The following SIGLEC6 variants were observed in gnomAD, a reference collection of about 807,000 sequenced individuals.
SIGLEC6 encodes sialic acid binding Ig like lectin 6, also known as sialic acid-binding Ig-like lectin 6.
In SIGLEC6, 31 loss-of-function variants were observed where a neutral mutation model predicts 41.4. The observed-to-expected ratio is 0.75, with a 90% CI of 0.56 to 1.01. The LOEUF (loss-of-function observed/expected upper bound fraction) is 1.01. SIGLEC6 is among the 50% of genes least tolerant of loss of function. SIGLEC6 has a pLI of 0.00. For missense variants in SIGLEC6, 555 were observed against 558.6 expected, an observed-to-expected ratio of 0.99 and a Z score of 0.06; for synonymous variants, 217 against 231.0, an observed-to-expected ratio of 0.94 and a Z score of 0.55.
intron 5 of SIGLEC6, 97 bp from the exon 6 acceptor site, chr19:51,528,350 C>T: frequency 1.0e-6 from 1 of 994,664 alleles, no homozygotes; most frequent in East Asian, 2.6e-5. Context: ...CCACCCCCAT[C>T]CAGGACTCAG....
At chr19:51,522,205 T>C (rs980295703) in intron 7 of SIGLEC6, among the ~76,000 whole-genome samples, 2 of 152,228 alleles carry the variant, frequency 1.3e-5, no homozygotes, top group African/African-American at 2.4e-5. Context: ...TGAAGGCAAA[T>C]ATAAACTCAC....
In SIGLEC6 at chr19:51,517,968, C is replaced by T. The variant is rs1050204589; in HGVS notation, c.*2114G>A. On this transcript the variant is annotated 3_prime_UTR_variant, in exon 8 of 8. Coordinates refer to ENST00000425629, the MANE Select transcript of SIGLEC6 (RefSeq NM_001245.7). ...TCAATATTACATTTGATGTTTGACC[C>T]CTCTACAAACCATCATTTTTACAAC... Among the ~76,000 whole-genome samples the T allele has an allele frequency of 6.6e-6, 1 of 152,012 alleles. No individual in the cohort carries two copies. Among genetic ancestry groups the T allele is most frequent in the African/African-American group, 2.4e-5 (1 of 41,394 alleles).
At chr19:51,523,224 C>T (rs775860357) in intron 7 of SIGLEC6, among the ~76,000 whole-genome samples, 3 of 151,910 alleles carry the variant, frequency 2.0e-5, no homozygotes, top group Admixed American at 6.6e-5. Context: ...AGATTAGGTA[C>T]GGCAGAAGAA....
rs779551897 is a variant in SIGLEC6 at position 51,531,562 on chromosome 19, C to G, written c.67+20G>C. Reference sequence around the variant, plus strand: ...TCAGCTCGGCCCAGCCCCACGGCACCTCTCCCCTGGCCCACTCACCTGCCC... The same window carrying G: ...TCAGCTCGGCCCAGCCCCACGGCACGTCTCCCCTGGCCCACTCACCTGCCC... On this transcript the variant is annotated intron_variant, in intron 1 of 7. Coordinates refer to ENST00000425629, the MANE Select transcript of SIGLEC6 (RefSeq NM_001245.7). The G allele has an allele frequency of 6.2e-7, 1 of 1,613,966 alleles. No homozygotes were observed. The highest frequency in any genetic ancestry group is 1.7e-5 in the Admixed American group (1 of 59,968).
chr19:51,530,124 A>G, intron 4 of SIGLEC6, 143 bp from the exon 5 acceptor site: 2 of 1,077,916 alleles, frequency 1.9e-6, no homozygotes, highest in Non-Finnish European at 1.3e-6. Flanking sequence ...AGCCCAGACC[A>G]TTTCCCTGGA....
In SIGLEC6 at chr19:51,520,154, G is replaced by C. The variant is rs764749174; in HGVS notation, c.1290C>G (p.His430Gln). Residue 430 changes from histidine (H) to glutamine (Q), a missense_variant, in exon 8 of 8, where the codon CAC becomes CAG. Physicochemically the swap from His to Gln is conservative, Grantham distance 24. Coordinates refer to ENST00000425629, the MANE Select transcript of SIGLEC6 (RefSeq NM_001245.7). ...DEQELHYAVLHFHKVQPQEPK... is the reference protein window; with the variant it reads ...DEQELHYAVLQFHKVQPQEPK... ...GTTCCTGAGGTTGCACCTTGTGGAA[G>C]TGTAGGACAGCGTAGTGGAGCTCCT... 16 of 1,608,738 alleles carry C rather than the reference G, an allele frequency of 9.9e-6. No homozygotes were observed. The highest frequency in any genetic ancestry group is 1.3e-5 in the African/African-American group (1 of 74,880).
chr19:51,518,825 C>A lies in SIGLEC6; in HGVS notation c.*1257G>T, dbSNP rs1990696957. ...TGGTGAGGAATTGATCTGGGGAAAT[C>A]TGGATGGACAAGATCATGTAGAGAG... On this transcript the variant is annotated 3_prime_UTR_variant, in exon 8 of 8. Transcript: ENST00000425629. Among the ~76,000 whole-genome samples the A allele has an allele frequency of 6.6e-6, 1 of 152,100 alleles. No individual in the cohort carries two copies. The highest frequency in any genetic ancestry group is 2.4e-5 in the African/African-American group (1 of 41,398).
Position 51,529,827 on chromosome 19 carries a change from G to C in SIGLEC6, c.909C>G (p.Val303=). Residue 303 remains valine, a synonymous_variant, in exon 5 of 8, where the codon GTC becomes GTG. Transcript: ENST00000425629. ...LNATPISNTG[V]LELPQVGSAE... ...CAGACCCTACTTGAGGCAGCTCCAG[G>C]ACCCCGGTATTGGAGATGGGGGTGG... 1 of 1,614,162 alleles carries C rather than the reference G, an allele frequency of 6.2e-7. No individual in the cohort carries two copies. Among genetic ancestry groups the C allele is most frequent in the African/African-American group, 1.3e-5 (1 of 75,020 alleles).
At position 51,528,898 on chromosome 19, in the gene SIGLEC6, T is replaced by G. The variant is rs559014135; in HGVS notation, c.1013-645A>C. 2.0e-3 allele frequency among the ~76,000 whole-genome samples: 298 copies of G among 150,874 alleles called. 1 individual carries two copies. Among genetic ancestry groups the G allele is most frequent in the African/African-American group, 7.0e-3 (287 of 40,916 alleles). ...CGGGAGGCTGAGGCAGGAGAATCTC[T>G]TGAACCCGGGAGGTGGAGGTTGCAT... On this transcript the variant is annotated intron_variant, in intron 5 of 7. Transcript: ENST00000425629.
At chr19:51,527,501 A>T (rs980543774) in intron 7 of SIGLEC6, among the ~76,000 whole-genome samples, 2 of 95,556 alleles carry the variant, frequency 2.1e-5, no homozygotes, top group African/African-American at 7.8e-5. Flanking sequence ...GAGGAGCATA[A>T]ATACCCCCAG....
At position 51,530,772 on chromosome 19, in the gene SIGLEC6, C is replaced by T. The variant is rs200266869; in HGVS notation, c.615G>A (p.Arg205=). The part of the protein sequence containing the change: ...TQSSVLTITP[R]PQDHSTNLTC... Reference sequence around the variant, plus strand: ...TGAGGTTGGTGCTGTGGTCCTGGGGCCGTGGGGTGATTGTGAGCACCGAGG... The same window carrying T: ...TGAGGTTGGTGCTGTGGTCCTGGGGTCGTGGGGTGATTGTGAGCACCGAGG... The change falls in exon 3 of 8, where the codon CGG becomes CGA. Residue 205 remains arginine (R), a synonymous_variant. Coordinates refer to ENST00000425629, the MANE Select transcript of SIGLEC6 (RefSeq NM_001245.7). 1 of 1,614,024 alleles carries T rather than the reference C, an allele frequency of 6.2e-7. No individual in the cohort carries two copies. Among genetic ancestry groups the T allele is most frequent in the Non-Finnish European group, 8.5e-7 (1 of 1,179,974 alleles).
At chr19:51,525,933 G>A (rs992044004) in intron 7 of SIGLEC6, among the ~76,000 whole-genome samples, 1 of 152,032 alleles carries the variant, frequency 6.6e-6, no homozygotes, top group Non-Finnish European at 1.5e-5. Context: ...CAAAGAGCCT[G>A]ATTTATTTGG....
Position 51,530,620 on chromosome 19 carries a change from C to A in SIGLEC6, c.706+61G>T, listed in dbSNP as rs934578977. 5 of 1,609,658 alleles carry A rather than the reference C, an allele frequency of 3.1e-6. No individual in the cohort carries two copies. The African/African-American group carries it at 6.7e-5, about 22-fold the overall frequency. On this transcript the variant is annotated intron_variant, in intron 3 of 7. Transcript: ENST00000425629. ...CCAGGTCCCCAACTTTAAGCTCTGGCTCAGCCCTGCCCTGTCCCCCCACAC... is the reference window on the plus strand; with the variant it reads ...CCAGGTCCCCAACTTTAAGCTCTGGATCAGCCCTGCCCTGTCCCCCCACAC...
Position 51,529,930 on chromosome 19 carries a change from G to A in SIGLEC6, c.806C>T (p.Ala269Val), listed in dbSNP as rs199502130. ...GTCAGCATCACAGAGCAGCCGCAGA[G>A]CCTGGCCCTCCAGGACAGGGAGGGA... Reference protein sequence around the residue: ...TSSLPVLEGQALRLLCDADGN... With the variant: ...TSSLPVLEGQVLRLLCDADGN... The change falls in exon 5 of 8, where the codon GCT becomes GTT. Residue 269 changes from alanine to valine, a missense_variant. Physicochemically the swap from Ala to Val is moderately conservative, Grantham distance 64 (BLOSUM62 0). Transcript: ENST00000425629. 1.1e-4 allele frequency: 175 copies of A among 1,612,654 alleles called. No individual in the cohort carries two copies. Among genetic ancestry groups the A allele is most frequent in the Non-Finnish European group, 8.7e-5 (103 of 1,179,002 alleles).
Position 51,529,598 on chromosome 19 carries a change from G to A in SIGLEC6, c.1012+126C>T, listed in dbSNP as rs367571877. On this transcript the variant is annotated intron_variant, in intron 5 of 7. Transcript: ENST00000425629. ...GTGGACTCTAAGCCTCCCAGAGGTA[G>A]GAGGGTCCCAGCAGTTGTGAGGGGT... The A allele has an allele frequency of 1.1e-5, 14 of 1,226,926 alleles. No homozygotes were observed. The South Asian group carries it at 1.7e-4, about 15-fold the overall frequency. The allele number at this position is 1,226,926 out of a possible 1,614,324, so 76.0% of individuals were successfully genotyped here. A position where few individuals can be genotyped will look rare whatever the true frequency, so the allele number is the denominator to read the frequency against.
chr19:51,527,968 A>T, intron 6 of SIGLEC6, 140 bp from the exon 7 acceptor site: 1 of 951,266 alleles, frequency 1.1e-6, no homozygotes, highest in Non-Finnish European at 1.6e-6. Flanking sequence ...GAGTTGGACC[A>T]CGGTTTCAAA....
At chr19:51,528,435 G>A (rs186496372) in intron 5 of SIGLEC6, 182 bp from the exon 6 acceptor site, 7 of 609,014 alleles carry the variant, frequency 1.1e-5, no homozygotes, top group African/African-American at 1.1e-4. Context: ...TCCCCCAACT[G>A]CAAGACTGAG....
At position 51,530,889 on chromosome 19, in the gene SIGLEC6, G is replaced by A; in HGVS notation, c.498C>T (p.Cys166=). ...LESGHPSNLT[C]SVPWVCEQGT... ...CCTGCTCACAGACCCAGGGCACAGA[G>A]CAGGTCAGATTGCTGGGATGGCCAG... is the stretch of plus-strand genomic sequence containing the variant. Residue 166 remains cysteine (C), a synonymous_variant, in exon 3 of 8, where the codon TGC becomes TGT. Transcript: ENST00000425629. The A allele has an allele frequency of 6.2e-7, 1 of 1,613,822 alleles. No homozygotes were observed. The highest frequency in any genetic ancestry group is 2.2e-5 in the East Asian group (1 of 44,870).
At chr19:51,531,024 A>G in intron 2 of SIGLEC6, 65 bp from the exon 3 acceptor site, 1 of 1,584,898 alleles carries the variant, frequency 6.3e-7, no homozygotes, top group Non-Finnish European at 8.5e-7. Flanking sequence ...GGGGAAGCCC[A>G]GTCTCTGGTC....
Sources: gnomAD v4.1 joint callset for allele counts (sites outside exome capture counted in the v4.1 genomes callset) on GRCh38, gnomAD v4.1.1 for gene constraint, MANE v1.5 for transcripts, NCBI Gene and HGNC (gene_info 2026-07-23, HGNC 2026-07-21) for gene names.